MBD3: variants seen among roughly 807,000 people sequenced by gnomAD.
The protein encoded by MBD3 is methyl-CpG binding domain protein 3.
In MBD3, 13 loss-of-function variants were observed where a neutral mutation model predicts 31.2. The observed-to-expected ratio is 0.42, with a 90% CI of 0.27 to 0.66. MBD3 has a LOEUF of 0.66. Among genes scored for constraint, MBD3 ranks in the 30% least tolerant of loss-of-function variants. MBD3 has a pLI of 0.26. For synonymous variants in MBD3, 223 were observed against 187.4 expected (o/e 1.19, Z -1.55); for missense variants, 440 against 426.5 (o/e 1.03, Z -0.28).
intron 1 of MBD3, among the ~76,000 whole-genome samples, chr19:1,589,443 A>G (rs1368087892): frequency 6.6e-6 from 1 of 151,730 alleles, no homozygotes; most frequent in Non-Finnish European, 1.5e-5. Context: ...ACCTGAGGTC[A>G]GGAGTTCAAG....
At chr19:1,584,436 T>C (rs2060667776) in intron 3 of MBD3, 104 bp downstream of exon 3, 3 of 1,529,024 alleles carry the variant, frequency 2.0e-6, no homozygotes, top group South Asian at 1.1e-5. Context: ...CTGGAACTCC[T>C]GCGCTCACTA....
chr19:1,587,547 T>C (rs1349446347), intron 1 of MBD3, among the ~76,000 whole-genome samples: 1 of 152,142 alleles, frequency 6.6e-6, no homozygotes, highest in Non-Finnish European at 1.5e-5. Context: ...CCTGAGGAGC[T>C]AGGACTACAC....
At chr19:1,587,647 T>G (rs967167137) in intron 1 of MBD3, among the ~76,000 whole-genome samples, 29 of 152,170 alleles carry the variant, frequency 1.9e-4, no homozygotes, top group African/African-American at 7.0e-4. Context: ...ACTTACGATC[T>G]CAAGAGATCC....
intron 5 of MBD3, among the ~76,000 whole-genome samples, chr19:1,579,226 T>C (rs1320098771): frequency 1.0e-5 from 1 of 96,180 alleles, no homozygotes; most frequent in African/African-American, 4.0e-5. Flanking sequence ...CTCACCAAAA[T>C]CAGCTACCAT....
At chr19:1,592,167 G>A (rs763427778) in intron 1 of MBD3, 2 of 152,334 alleles carry the variant, frequency 1.3e-5, no homozygotes, top group East Asian at 1.9e-4. Context: ...AGCGCCCCAA[G>A]AAGGCACCCC....
At chr19:1,591,297 C>T (rs1161671483) in intron 1 of MBD3, among the ~76,000 whole-genome samples, 1 of 152,224 alleles carries the variant, frequency 6.6e-6, no homozygotes, top group Non-Finnish European at 1.5e-5. Context: ...CTCCAACTTT[C>T]CAGGAACCAG....
chr19:1,592,735 C>G lies in MBD3; in HGVS notation c.-104G>C, dbSNP rs1259894319. On this transcript the variant is annotated 5_prime_UTR_variant, in exon 1 of 7. Coordinates refer to ENST00000434436, the MANE Select transcript of MBD3 (RefSeq NM_001281453.2). ...TCCGCTGCCGCTGCCGCCGCCGCCA[C>G]TTGCCGCGGCTGTTCCGGCCCGCGG... The G allele has an allele frequency of 2.9e-5, 7 of 242,972 alleles. No homozygotes were observed. Among genetic ancestry groups the G allele is most frequent in the Non-Finnish European group, 4.6e-5 (7 of 152,528 alleles). 15.1% of individuals were successfully genotyped at this position (242,972 alleles called of 1,614,324 possible).
chr19:1,582,750 T>G, intron 3 of MBD3, 38 bp from the exon 4 acceptor site: 2 of 1,563,534 alleles, frequency 1.3e-6, no homozygotes, highest in Non-Finnish European at 1.8e-6. Flanking sequence ...AGAGTGGCCC[T>G]GCCCTCTCCC....
chr19:1,579,525 G>C lies in MBD3; in HGVS notation c.678-987C>G, dbSNP rs79439972. On this transcript the variant is annotated intron_variant, in intron 5 of 6. Coordinates refer to ENST00000434436, the MANE Select transcript of MBD3 (RefSeq NM_001281453.2). ...AGAGCCCGTCTCTGTTCTGCTTTCA[G>C]TCCCAGGCAAAGCTGACTTTGTTTC... 6.4e-3 allele frequency among the ~76,000 whole-genome samples: 969 copies of C among 152,168 alleles called. 8 individuals are homozygous for C. The highest frequency in any genetic ancestry group is 0.022 in the African/African-American group (918 of 41,516).
intron 3 of MBD3, chr19:1,583,211 GAA>G (rs56342603): frequency 5.5e-4 from 58 of 106,166 alleles, no homozygotes; most frequent in South Asian, 1.9e-3. Context: ...TCTCAAAAAA[GAA>G]AAAAAAAAAA....
At position 1,578,105 on chromosome 19, in the gene MBD3, A is replaced by G. The variant is rs1323785199; in HGVS notation, c.*59T>C. 9.4e-6 allele frequency: 6 copies of G among 641,062 alleles called. No individual in the cohort carries two copies. Among genetic ancestry groups the G allele is most frequent in the Non-Finnish European group, 1.6e-5 (6 of 375,608 alleles). 39.7% of individuals were successfully genotyped at this position (641,062 alleles called of 1,614,324 possible). A position where few individuals can be genotyped will look rare whatever the true frequency, so the allele number is the denominator to read the frequency against. On this transcript the variant is annotated 3_prime_UTR_variant, in exon 7 of 7. Transcript: ENST00000434436. This position sits in a 1 kb window ranked among gnomAD's most constrained non-coding sequence, Gnocchi z 6.1. ...GCCGAGCCTGGTTCACGTGGGGCCG[A>G]GGACCGCGTCTGCAGGCGGCTCCAG...
rs1351005240 is a variant in MBD3 at position 1,585,514 on chromosome 19, C to T, written c.111-300G>A. The T allele has an allele frequency of 2.3e-6, 1 of 432,396 alleles. No individual in the cohort carries two copies. Among genetic ancestry groups the T allele is most frequent in the Admixed American group, 3.6e-5 (1 of 27,468 alleles). 26.8% of individuals were successfully genotyped at this position (432,396 alleles called of 1,614,324 possible). On this transcript the variant is annotated intron_variant, in intron 1 of 6. Transcript: ENST00000434436. This position sits in a 1 kb window ranked among gnomAD's most constrained non-coding sequence, Gnocchi z 4.1. ...CTCACACCCTGGCCCTAGCCCCAGCCTCCACATCGGATCCTTGCTCCAGAC... is the reference window on the plus strand; with the variant it reads ...CTCACACCCTGGCCCTAGCCCCAGCTTCCACATCGGATCCTTGCTCCAGAC...
chr19:1,591,144 C>G (rs987977482), intron 1 of MBD3, among the ~76,000 whole-genome samples: 4 of 152,100 alleles, frequency 2.6e-5, no homozygotes, highest in African/African-American at 9.7e-5. Flanking sequence ...TCAGAGAAGC[C>G]CTCCCTGACC....
At chr19:1,580,151 C>T (rs1319294269) in intron 5 of MBD3, among the ~76,000 whole-genome samples, 1 of 152,240 alleles carries the variant, frequency 6.6e-6, no homozygotes, top group Non-Finnish European at 1.5e-5. Context: ...TCCTATTTCA[C>T]CATCTTCATT....
chr19:1,578,522 C>A lies in MBD3; in HGVS notation c.694G>T (p.Val232Leu). Residue 232 changes from valine to leucine, a missense_variant, in exon 6 of 7, where the codon GTG becomes TTG. By Grantham distance (32) the Val-to-Leu change is conservative. Coordinates refer to ENST00000434436, the MANE Select transcript of MBD3 (RefSeq NM_001281453.2). This position sits in a 1 kb window ranked among gnomAD's most constrained non-coding sequence, Gnocchi z 6.1. ...TCCAGCCGCTTCCGCACCTGCTGCA[C>A]CAGCTCTTCCTGCTTCCTGGGGACA... is the stretch of plus-strand genomic sequence containing the variant. ...DEDIRKQEELVQQVRKRLEEA... is the reference protein window; with the variant it reads ...DEDIRKQEELLQQVRKRLEEA... 6.2e-7 allele frequency: 1 copy of A among 1,612,426 alleles called. No individual in the cohort carries two copies. Among genetic ancestry groups the A allele is most frequent in the Non-Finnish European group, 8.5e-7 (1 of 1,179,916 alleles).
In MBD3 at chr19:1,585,579, CCCT is replaced by C; in HGVS notation, c.111-368_111-366del. The stretch of plus-strand genomic sequence containing the variant: ...CCCTCTGAATCCTCCCCACCGTAGG[CCCT>C]GGCAGCGTCAGGCACAGCAGACGCT... On this transcript the variant is annotated intron_variant, in intron 1 of 6. Transcript: ENST00000434436. The surrounding 1 kb of genome is among the most constrained non-coding windows in gnomAD (Gnocchi z 4.1). 9 of 309,554 alleles carry C rather than the reference CCCT, an allele frequency of 2.9e-5. No individual in the cohort carries two copies. The highest frequency in any genetic ancestry group is 1.3e-4 in the South Asian group (4 of 30,138). 19.2% of individuals were successfully genotyped at this position (309,554 alleles called of 1,614,324 possible).
chr19:1,586,086 A>G (rs2060677863), intron 1 of MBD3: 1 of 152,252 alleles, frequency 6.6e-6, no homozygotes, highest in African/African-American at 2.4e-5. Context: ...AAGATGGAAC[A>G]GCCATGTTGG....
chr19:1,586,740 C>T (rs1032764171), intron 1 of MBD3, among the ~76,000 whole-genome samples: 2 of 149,404 alleles, frequency 1.3e-5, no homozygotes, highest in African/African-American at 5.0e-5. Flanking sequence ...GATCTTGGCT[C>T]TCTGCAACCT....
intron 5 of MBD3, among the ~76,000 whole-genome samples, chr19:1,580,524 G>A (rs1180557576): frequency 6.6e-6 from 1 of 152,202 alleles, no homozygotes; most frequent in African/African-American, 2.4e-5. Flanking sequence ...TCCCGTCTTC[G>A]CTCCAGCACT....
Sources: allele counts gnomAD v4.1 joint callset (sites outside exome capture counted in the v4.1 genomes callset), GRCh38; gene constraint gnomAD v4.1.1; non-coding constraint Gnocchi (gnomAD v3.1); transcripts MANE v1.5; gene names NCBI Gene and HGNC (gene_info 2026-07-23, HGNC 2026-07-21).